Variants in ITFG1 observed in about 807,000 individuals in gnomAD.
ITFG1 encodes integrin alpha FG-GAP repeat containing 1.
Under a neutral mutation model 81.8 loss-of-function variants are expected in ITFG1, and 34 were observed. The ratio of observed to expected loss-of-function variants is 0.42; its 90% CI spans 0.32 to 0.55. The LOEUF is 0.55. ITFG1 is among the 20% of genes least tolerant of loss of function. ITFG1 has a pLI of 0.17. For synonymous variants in ITFG1, 285 were observed against 270.6 expected (o/e 1.05, Z -0.52); for missense variants, 672 against 755.4 (o/e 0.89, Z 1.29).
chr16:47,312,289 T>TG (rs1248595046), intron 9 of ITFG1: 1 of 152,154 alleles, frequency 6.6e-6, no homozygotes, highest in Non-Finnish European at 1.5e-5. Flanking sequence ...CACAGCTGAC[T>TG]TGAGATGGCA....
intron 14 of ITFG1, among the ~76,000 whole-genome samples, chr16:47,177,033 T>TA (rs945390450): frequency 6.6e-6 from 1 of 151,842 alleles, no homozygotes; most frequent in African/African-American, 2.4e-5. Flanking sequence ...CACCATAGCT[T>TA]ACTGCAGCCT....
chr16:47,311,464 T>C (rs758846140), intron 9 of ITFG1, 52 bp from the exon 10 acceptor site: 1 of 1,393,670 alleles, frequency 7.2e-7, no homozygotes, highest in Non-Finnish European at 9.6e-7. Flanking sequence ...ATAAAAAAAT[T>C]TATAATTTGC....
intron 10 of ITFG1, 27 bp from the exon 11 acceptor site, chr16:47,260,722 T>A: frequency 6.2e-7 from 1 of 1,613,286 alleles, no homozygotes; most frequent in Non-Finnish European, 8.5e-7. Flanking sequence ...AGGCATTTCG[T>A]TAATATAAAC....
chr16:47,365,320 C>T (rs1968162424), intron 8 of ITFG1, among the ~76,000 whole-genome samples: 1 of 152,166 alleles, frequency 6.6e-6, no homozygotes, highest in South Asian at 2.1e-4. Flanking sequence ...TGTGCAGAAT[C>T]TTACGGAAAA....
At chr16:47,200,171 T>G (rs1965408294) in intron 14 of ITFG1, among the ~76,000 whole-genome samples, 1 of 152,214 alleles carries the variant, frequency 6.6e-6, no homozygotes, top group South Asian at 2.1e-4. Flanking sequence ...GGCTATACCA[T>G]CTGGGTTTGT....
Position 47,288,563 on chromosome 16 carries a change from A to T in ITFG1, c.1070+22677T>A, listed in dbSNP as rs551977401. Among the ~76,000 whole-genome samples, 33 of 152,082 alleles carry T rather than the reference A, an allele frequency of 2.2e-4. No homozygotes were observed. In the South Asian group the frequency reaches 6.6e-3, roughly 31 times the overall value. ...GTACTAATTTACTTTCCCACCATCA[A>T]TGTATAAGAGTTTCCCATTCTCTGC... On this transcript the variant is annotated intron_variant, in intron 10 of 17. Coordinates refer to ENST00000320640, the MANE Select transcript of ITFG1 (RefSeq NM_030790.5).
intron 10 of ITFG1, among the ~76,000 whole-genome samples, chr16:47,306,776 AAC>A (rs1348165387): frequency 6.6e-6 from 1 of 152,096 alleles, no homozygotes; most frequent in African/African-American, 2.4e-5. Flanking sequence ...TACTAACAAA[AAC>A]ACAGACATGA....
At chr16:47,213,161 G>A (rs1965583917) in intron 14 of ITFG1, among the ~76,000 whole-genome samples, 2 of 151,956 alleles carry the variant, frequency 1.3e-5, no homozygotes, top group Admixed American at 1.3e-4. Context: ...TTTGACCTCT[G>A]GATTATTTAG....
chr16:47,351,194 T>C (rs1396700326), intron 8 of ITFG1, among the ~76,000 whole-genome samples: 1 of 152,138 alleles, frequency 6.6e-6, no homozygotes, highest in Non-Finnish European at 1.5e-5. Flanking sequence ...CAACATAGTG[T>C]TGGAAGTTCT....
intron 10 of ITFG1, among the ~76,000 whole-genome samples, chr16:47,281,328 G>A (rs1003144117): frequency 6.6e-6 from 1 of 152,164 alleles, no homozygotes; most frequent in South Asian, 2.1e-4. Flanking sequence ...TGAAGTATTA[G>A]TCTGTAGTTT....
intron 12 of ITFG1, among the ~76,000 whole-genome samples, chr16:47,249,873 G>A (rs994399696): frequency 1.3e-5 from 2 of 152,094 alleles, no homozygotes; most frequent in Non-Finnish European, 2.9e-5. Context: ...GGCAATAATC[G>A]TGCATAAATA....
At chr16:47,205,515 A>T (rs557571033) in intron 14 of ITFG1, among the ~76,000 whole-genome samples, 1 of 152,350 alleles carries the variant, frequency 6.6e-6, no homozygotes, top group South Asian at 2.1e-4. Context: ...TTTCCTGCAT[A>T]ATCAGCCTGG....
intron 6 of ITFG1, among the ~76,000 whole-genome samples, chr16:47,394,281 C>T (rs1043395240): frequency 2.6e-5 from 4 of 152,096 alleles, no homozygotes; most frequent in African/African-American, 9.7e-5. Flanking sequence ...ATGTAGCATA[C>T]TGATCAGAAT....
rs1412235719 is a variant in ITFG1 at position 47,326,796 on chromosome 16, T to G, written c.803-12973A>C. 2.6e-5 allele frequency among the ~76,000 whole-genome samples: 4 copies of G among 152,238 alleles called. No individual in the cohort carries two copies. The South Asian group carries it at 6.2e-4, about 24-fold the overall frequency. On this transcript the variant is annotated intron_variant, in intron 8 of 17. Coordinates refer to ENST00000320640, the MANE Select transcript of ITFG1 (RefSeq NM_030790.5). The stretch of plus-strand genomic sequence containing the variant: ...TGTGAAGGACCTCTTCAAGGAGAAC[T>G]ACAAACCACTGCTCAAGGAAATAAA...
At chr16:47,413,246 T>G (rs373964900) in intron 6 of ITFG1, among the ~76,000 whole-genome samples, 2 of 152,212 alleles carry the variant, frequency 1.3e-5, no homozygotes, top group East Asian at 1.9e-4. Flanking sequence ...GAATTTGATA[T>G]TCTGCCAAAC....
chr16:47,432,705 G>A (rs566148437), intron 5 of ITFG1, among the ~76,000 whole-genome samples: 7 of 152,084 alleles, frequency 4.6e-5, no homozygotes, highest in Non-Finnish European at 8.8e-5. Flanking sequence ...GGTAATTCAC[G>A]CCAAGCAACT....
At chr16:47,426,552 GTTTTC>G (rs1969023607) in intron 6 of ITFG1, among the ~76,000 whole-genome samples, 1 of 148,364 alleles carries the variant, frequency 6.7e-6, no homozygotes, top group Non-Finnish European at 1.5e-5. Flanking sequence ...AAAATAATAT[GTTTTC>G]TTTTCTTAAA....
intron 13 of ITFG1, among the ~76,000 whole-genome samples, chr16:47,232,483 A>G (rs965369465): frequency 5.3e-5 from 8 of 152,164 alleles, no homozygotes; most frequent in Non-Finnish European, 8.8e-5. Context: ...GTGTATTTAC[A>G]ACACACTGAA....
At chr16:47,346,104 T>C (rs535579964) in intron 8 of ITFG1, among the ~76,000 whole-genome samples, 15 of 152,318 alleles carry the variant, frequency 9.8e-5, no homozygotes, top group Middle Eastern at 3.4e-3. Flanking sequence ...TTCTCCAAGA[T>C]GTGTCCAGTT....
Sources: gnomAD v4.1 joint callset for allele counts (sites outside exome capture counted in the v4.1 genomes callset) on GRCh38, gnomAD v4.1.1 for gene constraint, MANE v1.5 for transcripts, NCBI Gene and HGNC (gene_info 2026-07-23, HGNC 2026-07-21) for gene names.